STX8: variants seen among roughly 807,000 people sequenced by gnomAD.
The protein encoded by STX8 is syntaxin-8.
A neutral mutation model predicts 37.5 loss-of-function variants in STX8; 23 were observed. The observed-to-expected ratio is 0.61, with a 90% CI of 0.44 to 0.87. STX8 has a LOEUF of 0.87. STX8 is among the 40% of genes least tolerant of loss of function. STX8 has a pLI of 0.00. For missense variants in STX8, 313 were observed against 284.7 expected (o/e 1.10, Z -0.71); for synonymous variants, 115 against 99.1 (o/e 1.16, Z -0.95).
chr17:9,299,535 C>G (rs1908691339), intron 7 of STX8, among the ~76,000 whole-genome samples: 1 of 150,826 alleles, frequency 6.6e-6, no homozygotes, highest in Admixed American at 6.6e-5. Context: ...GCTCTGCCTC[C>G]CAGGTTCACA....
intron 7 of STX8, among the ~76,000 whole-genome samples, chr17:9,272,329 T>C (rs983906116): frequency 2.6e-5 from 4 of 152,240 alleles, no homozygotes; most frequent in Non-Finnish European, 5.9e-5. Flanking sequence ...GGAAATGCCC[T>C]GAGAAGGAAC....
intron 2 of STX8, among the ~76,000 whole-genome samples, chr17:9,560,946 T>C (rs1567610601): frequency 6.6e-6 from 1 of 152,156 alleles, no homozygotes; most frequent in African/African-American, 2.4e-5. Context: ...AGAAACAATG[T>C]AGCTGTATAA....
chr17:9,251,219 C>G (rs1051190709), intron 7 of STX8, among the ~76,000 whole-genome samples: 1 of 152,184 alleles, frequency 6.6e-6, no homozygotes, highest in Non-Finnish European at 1.5e-5. Flanking sequence ...CACAGGCCCT[C>G]CTAGCCAGCC....
At chr17:9,258,161 G>C (rs375128381) in intron 7 of STX8, among the ~76,000 whole-genome samples, 30 of 152,184 alleles carry the variant, frequency 2.0e-4, no homozygotes, top group African/African-American at 6.3e-4. Flanking sequence ...AGTTGTGCCT[G>C]TCAATAGGTG....
rs571610074 is a variant in STX8 at position 9,362,842 on chromosome 17, A to T, written c.643+15710T>A. ...AGACTCCGTCTCAAAAAAAAAAAAAAATAAATAAATAAATAAATAAATAAT... is the reference window on the plus strand; with the variant it reads ...AGACTCCGTCTCAAAAAAAAAAAAATATAAATAAATAAATAAATAAATAAT... On this transcript the variant is annotated intron_variant, in intron 7 of 7. Transcript: ENST00000306357. Among the ~76,000 whole-genome samples the T allele has an allele frequency of 1.1e-3, 150 of 142,152 alleles. No individual in the cohort carries two copies. In the Middle Eastern group the frequency reaches 0.018, roughly 17 times the overall value. The allele number at this position is 142,152 out of a possible 152,430, so 93.3% of individuals were successfully genotyped here.
At chr17:9,527,278 T>C (rs1241491755) in intron 4 of STX8, among the ~76,000 whole-genome samples, 3 of 145,602 alleles carry the variant, frequency 2.1e-5, no homozygotes, top group Non-Finnish European at 4.5e-5. Context: ...ACCCTGTCTC[T>C]ACAAAATAAA....
At chr17:9,566,149 G>A (rs867234175) in intron 2 of STX8, among the ~76,000 whole-genome samples, 40 of 152,002 alleles carry the variant, frequency 2.6e-4, no homozygotes, top group African/African-American at 9.2e-4. Flanking sequence ...CAAAGGACAC[G>A]AATAGACACT....
chr17:9,437,926 T>C (rs1399922788), intron 6 of STX8: 1 of 152,182 alleles, frequency 6.6e-6, no homozygotes, highest in Non-Finnish European at 1.5e-5. Context: ...CTGGTACTTA[T>C]TCTGGCCTTT....
chr17:9,359,158 T>C (rs1382128736), intron 7 of STX8, among the ~76,000 whole-genome samples: 3 of 152,014 alleles, frequency 2.0e-5, no homozygotes, highest in Admixed American at 6.6e-5. Context: ...TCCTTCTGCC[T>C]CAGCCTCCCA....
intron 7 of STX8, among the ~76,000 whole-genome samples, chr17:9,255,195 C>A (rs1472899013): frequency 6.6e-6 from 1 of 152,068 alleles, no homozygotes; most frequent in South Asian, 2.1e-4. Flanking sequence ...ACAAACTGTG[C>A]CCCAGGAAAG....
At chr17:9,529,002 TA>T (rs1428402225) in intron 4 of STX8, among the ~76,000 whole-genome samples, 1 of 151,952 alleles carries the variant, frequency 6.6e-6, no homozygotes, top group Non-Finnish European at 1.5e-5. Flanking sequence ...GGGGGAAATA[TA>T]AAAATGACAA....
intron 6 of STX8, among the ~76,000 whole-genome samples, chr17:9,479,646 T>C (rs1042151253): frequency 2.0e-5 from 3 of 149,834 alleles, no homozygotes; most frequent in East Asian, 1.9e-4. Flanking sequence ...ATAAATTATA[T>C]GCATGGGAGA....
intron 7 of STX8, among the ~76,000 whole-genome samples, chr17:9,329,874 G>C (rs1274448637): frequency 6.6e-6 from 1 of 152,158 alleles, no homozygotes; most frequent in East Asian, 1.9e-4. Context: ...GATCCTGTAA[G>C]GGCAATAGGG....
At chr17:9,445,338 T>TG (rs1338377022) in intron 6 of STX8, among the ~76,000 whole-genome samples, 1 of 151,764 alleles carries the variant, frequency 6.6e-6, no homozygotes, top group Non-Finnish European at 1.5e-5. Flanking sequence ...AGAGACATGA[T>TG]ATTTCATGTC....
At position 9,344,258 on chromosome 17, in the gene STX8, CT is replaced by C. The variant is rs200606281; in HGVS notation, c.643+34293del. Among the ~76,000 whole-genome samples the C allele has an allele frequency of 1.1e-3, 160 of 145,994 alleles. 1 individual carries two copies. The highest frequency in any genetic ancestry group is 3.9e-3 in the African/African-American group (152 of 38,660). ...TGGGCAGTCTGCCTCTGATACTAAA[CT>C]TTTTTTTTTTTTTTTTTTTGAGATA... On this transcript the variant is annotated intron_variant, in intron 7 of 7. Coordinates refer to ENST00000306357, the MANE Select transcript of STX8 (RefSeq NM_004853.3).
chr17:9,432,939 C>T (rs935664569), intron 6 of STX8, among the ~76,000 whole-genome samples: 1 of 152,206 alleles, frequency 6.6e-6, no homozygotes, highest in African/African-American at 2.4e-5. Context: ...ACATTTTCCT[C>T]CATGGAATAC....
intron 7 of STX8, among the ~76,000 whole-genome samples, chr17:9,318,832 T>C (rs1052307764): frequency 2.0e-5 from 3 of 152,082 alleles, no homozygotes; most frequent in African/African-American, 7.2e-5. Context: ...ATGTGAAAAC[T>C]GTGATAAAAG....
At chr17:9,566,537 A>C (rs2151918321) in intron 2 of STX8, among the ~76,000 whole-genome samples, 1 of 152,330 alleles carries the variant, frequency 6.6e-6, no homozygotes, top group Middle Eastern at 3.4e-3. Flanking sequence ...CTGTAATCTC[A>C]GCACTTCGGG....
intron 6 of STX8, among the ~76,000 whole-genome samples, chr17:9,411,053 T>C (rs1241051878): frequency 6.6e-6 from 1 of 152,222 alleles, no homozygotes; most frequent in Non-Finnish European, 1.5e-5. Context: ...TCCATAATTC[T>C]TACCTACCTG....
Sources: allele counts gnomAD v4.1 joint callset (sites outside exome capture counted in the v4.1 genomes callset), GRCh38; gene constraint gnomAD v4.1.1; transcripts MANE v1.5; gene names NCBI Gene and HGNC (gene_info 2026-07-23, HGNC 2026-07-21).